The following GOLGB1 variants were observed in gnomAD, a reference collection of about 807,000 sequenced individuals.
GOLGB1 encodes golgin B1, also known as golgin subfamily B member 1.
Under a neutral mutation model 336.9 loss-of-function variants are expected in GOLGB1, and 174 were observed. The ratio of observed to expected loss-of-function variants is 0.52; its 90% CI spans 0.46 to 0.59. The LOEUF (loss-of-function observed/expected upper bound fraction) is 0.59, where lower values mean the gene tolerates loss of function less well. GOLGB1 is among the 20% of genes least tolerant of loss of function. The probability of loss-of-function intolerance (pLI) is 0.00; values close to 1 mark genes in which losing one functional copy is unlikely to be tolerated. For synonymous variants in GOLGB1, 1,208 were observed against 1,289.2 expected, an observed-to-expected ratio of 0.94 and a Z score of 1.35; for missense variants, 3,331 against 3,645.3, an observed-to-expected ratio of 0.91 and a Z score of 2.22.
At chr3:121,680,113 C>T (rs956552234) in intron 15 of GOLGB1, among the ~76,000 whole-genome samples, 1 of 152,230 alleles carries the variant, frequency 6.6e-6, no homozygotes. Flanking sequence ...ACTTCCACTT[C>T]CTCCTGGCAG....
intron 17 of GOLGB1, among the ~76,000 whole-genome samples, chr3:121,671,369 G>C (rs1223652011): frequency 3.3e-5 from 5 of 152,002 alleles, no homozygotes; most frequent in Admixed American, 3.3e-4. Context: ...TGTTATCTAT[G>C]GGGTATTGGT....
In GOLGB1 at chr3:121,676,802, TG is replaced by T. The variant is rs1015974499; in HGVS notation, c.9177+90del. On this transcript the variant is annotated intron_variant, in intron 17 of 21. Coordinates refer to ENST00000614479, the MANE Select transcript of GOLGB1 (RefSeq NM_001366282.2). ...TCTGTACCCTAAGATATGCTACAGC[TG>T]GGACTCTATGCTGAATTGGCTTCTA... The T allele has an allele frequency of 1.5e-5, 17 of 1,101,312 alleles. No individual in the cohort carries two copies. The African/African-American group carries it at 2.5e-4, about 16-fold the overall frequency. The allele number at this position is 1,101,312 out of a possible 1,614,324, so 68.2% of individuals were successfully genotyped here. A position where few individuals can be genotyped will look rare whatever the true frequency, so the allele number is the denominator to read the frequency against.
chr3:121,718,642 C>A, intron 7 of GOLGB1, 141 bp from the exon 8 acceptor site: 1 of 619,032 alleles, frequency 1.6e-6, no homozygotes, highest in South Asian at 2.0e-5. Flanking sequence ...GACCAGCATG[C>A]CATGCTCCCC....
intron 1 of GOLGB1, among the ~76,000 whole-genome samples, chr3:121,748,432 A>C (rs1478410904): frequency 6.6e-6 from 1 of 151,032 alleles, no homozygotes; most frequent in Non-Finnish European, 1.5e-5. Context: ...GGTAGTAAAA[A>C]ATATTGATGC....
rs1941367312 is a variant in GOLGB1 at position 121,683,693 on chromosome 3, G to C, written c.8695-1828C>G. ...AGGTAATTTAGAAGAGATTATCAGG[G>C]GAGAAAATGTAATGTACTCAAAGAT... is the stretch of plus-strand genomic sequence containing the variant. On this transcript the variant is annotated intron_variant, in intron 14 of 21. Coordinates refer to ENST00000614479, the MANE Select transcript of GOLGB1 (RefSeq NM_001366282.2). Among the ~76,000 whole-genome samples the C allele has an allele frequency of 1.3e-5, 2 of 151,998 alleles. 1 individual carries two copies. Among genetic ancestry groups the C allele is most frequent in the Non-Finnish European group, 2.9e-5 (2 of 67,994 alleles).
intron 17 of GOLGB1, among the ~76,000 whole-genome samples, chr3:121,674,592 G>T (rs2107610115): frequency 6.6e-6 from 1 of 152,226 alleles, no homozygotes; most frequent in South Asian, 2.1e-4. Context: ...TCTGAAGAAA[G>T]AATTAGGGAA....
intron 1 of GOLGB1, among the ~76,000 whole-genome samples, chr3:121,740,204 T>C (rs1303047651): frequency 6.6e-6 from 1 of 152,164 alleles, no homozygotes; most frequent in Non-Finnish European, 1.5e-5. Context: ...ATGATACACA[T>C]ACATACATAT....
chr3:121,698,009 T>C lies in GOLGB1; in HGVS notation c.2514A>G (p.Ile838Met), dbSNP rs1051777475. 1.2e-6 allele frequency: 2 copies of C among 1,613,996 alleles called. No individual in the cohort carries two copies. The highest frequency in any genetic ancestry group is 3.3e-5 in the Admixed American group (2 of 59,996). Residue 838 changes from isoleucine to methionine, a missense_variant, in exon 13 of 22, where the codon ATA (isoleucine) becomes ATG (methionine). Transcript: ENST00000614479. Reference protein sequence around the residue: ...QLQFSEQSTLIRSLQSQLQNK... With the variant: ...QLQFSEQSTLMRSLQSQLQNK... ...TTTGCAGCTGGCTTTGCAGGCTTCTTATCAGGGTACTCTGCTCAGAAAACT... is the reference window on the plus strand; with the variant it reads ...TTTGCAGCTGGCTTTGCAGGCTTCTCATCAGGGTACTCTGCTCAGAAAACT...
Position 121,695,680 on chromosome 3 carries a change from CCTT to C in GOLGB1, c.4840_4842del (p.Lys1614del), listed in dbSNP as rs757078585. Reference sequence around the variant, plus strand: ...AGAATTTCATACTCTTTTTGTAGCTCCTTGTGTTTCTCTTGCCACTCAGTACTT... The same window carrying C: ...AGAATTTCATACTCTTTTTGTAGCTCGTGTTTCTCTTGCCACTCAGTACTT... On this transcript the variant is annotated inframe_deletion, in exon 13 of 22. Transcript: ENST00000614479. 1.9e-6 allele frequency: 3 copies of C among 1,612,316 alleles called. No individual in the cohort carries two copies. The East Asian group carries it at 6.7e-5, about 36-fold the overall frequency.
Position 121,730,841 on chromosome 3 carries a change from G to A in GOLGB1, c.96+35C>T, listed in dbSNP as rs551244471. On this transcript the variant is annotated intron_variant, in intron 2 of 21. Transcript: ENST00000614479. ...TTCCTTAGAAGAACACAGAACATAT[G>A]TCTTACCAGTTTAAATCAGAACAGA... The A allele has an allele frequency of 4.0e-5, 64 of 1,589,916 alleles. No individual in the cohort carries two copies. In the South Asian group the frequency reaches 6.1e-4, roughly 15 times the overall value.
rs138003912 is a variant in GOLGB1, at chr3:121,699,862, G to C, written c.1543C>G (p.Leu515Val). The C allele has an allele frequency of 8.4e-4, 1,350 of 1,601,020 alleles. 2 individuals carry two copies. The highest frequency in any genetic ancestry group is 9.6e-4 in the Non-Finnish European group (1,118 of 1,169,900). ...ENEKLSSQITLLEAQNRTGEA... is the reference protein window; with the variant it reads ...ENEKLSSQITVLEAQNRTGEA... Reference sequence around the variant, plus strand: ...CCAGTTCTATTCTGAGCCTCTAGGAGAGTAATCTGAGAAGACAGTTTTTCT... The same window carrying C: ...CCAGTTCTATTCTGAGCCTCTAGGACAGTAATCTGAGAAGACAGTTTTTCT... The change falls in exon 12 of 22, where the codon CTC (leucine) becomes GTC (valine). Residue 515 changes from leucine to valine, a missense_variant. Leu to Val is a conservative substitution (Grantham distance 32, BLOSUM62 1). Coordinates refer to ENST00000614479, the MANE Select transcript of GOLGB1 (RefSeq NM_001366282.2).
chr3:121,704,542 G>A (rs898629768), intron 10 of GOLGB1, among the ~76,000 whole-genome samples: 1 of 152,024 alleles, frequency 6.6e-6, no homozygotes, highest in Non-Finnish European at 1.5e-5. Context: ...GTTTGGGAGG[G>A]CGAGGCAGGT....
intron 5 of GOLGB1, among the ~76,000 whole-genome samples, chr3:121,726,433 C>CAAAAAAAAAAA (rs10547964): frequency 4.1e-4 from 25 of 61,452 alleles, no homozygotes; most frequent in African/African-American, 5.5e-4. Flanking sequence ...CACCCTGTCT[C>CAAAAAAAAAAA]AAAAAAAAAA....
rs1431166558 is a variant in GOLGB1 at position 121,714,871 on chromosome 3, T to C, written c.1394A>G (p.Glu465Gly). ...TTCACATTTAATTACCTGTGTGCCC[T>C]CATTATAAACATCTGGGAAAGAAGT... Reference protein sequence around the residue: ...SQTSFPDVYNEGTQAVTEENI... With the variant: ...SQTSFPDVYNGGTQAVTEENI... Residue 465 changes from glutamate to glycine, a missense_variant, in exon 10 of 22, where the codon GAG becomes GGG. Glu to Gly is a moderately conservative substitution (Grantham distance 98). Transcript: ENST00000614479. The C allele has an allele frequency of 7.6e-6, 12 of 1,588,494 alleles. No individual in the cohort carries two copies. The highest frequency in any genetic ancestry group is 1.0e-5 in the Non-Finnish European group (12 of 1,157,062).
At chr3:121,690,389 T>A (rs756601712) in intron 14 of GOLGB1, among the ~76,000 whole-genome samples, 1 of 152,198 alleles carries the variant, frequency 6.6e-6, no homozygotes, top group African/African-American at 2.4e-5. Context: ...ATATAAAATA[T>A]ATAAAACAGT....
intron 20 of GOLGB1, among the ~76,000 whole-genome samples, chr3:121,665,611 G>A (rs1266744313): frequency 6.6e-6 from 1 of 152,198 alleles, no homozygotes; most frequent in Non-Finnish European, 1.5e-5. Flanking sequence ...CTCAGTTTTT[G>A]CTGATTTGCT....
intron 17 of GOLGB1, 47 bp from the exon 18 acceptor site, chr3:121,669,402 G>C: frequency 1.4e-6 from 2 of 1,478,238 alleles, no homozygotes; most frequent in Non-Finnish European, 1.9e-6. Flanking sequence ...ACTGTAAGCA[G>C]TGCTGAGGTG....
chr3:121,675,872 G>C (rs1342337151), intron 17 of GOLGB1, among the ~76,000 whole-genome samples: 5 of 152,304 alleles, frequency 3.3e-5, no homozygotes, highest in African/African-American at 1.2e-4. Context: ...GTGATTCAGA[G>C]TCTAATGTTT....
At chr3:121,700,270 A>G (rs1485845941) in intron 11 of GOLGB1, among the ~76,000 whole-genome samples, 2 of 152,118 alleles carry the variant, frequency 1.3e-5, no homozygotes, top group Non-Finnish European at 2.9e-5. Context: ...AGCACTTACA[A>G]TGTTCTTCAA....
Sources: gnomAD v4.1 joint callset for allele counts (sites outside exome capture counted in the v4.1 genomes callset) on GRCh38, gnomAD v4.1.1 for gene constraint, MANE v1.5 for transcripts, NCBI Gene and HGNC (gene_info 2026-07-23, HGNC 2026-07-21) for gene names.